The following TENM2 variants were observed in gnomAD, a reference collection of about 807,000 sequenced individuals.
TENM2 encodes teneurin-2.
A neutral mutation model predicts 245.2 loss-of-function variants in TENM2; 52 were observed. The observed-to-expected ratio is 0.21, with a 90% CI of 0.17 to 0.27. The LOEUF (loss-of-function observed/expected upper bound fraction) is 0.27, where lower values mean the gene tolerates loss of function less well. TENM2 is among the 10% of genes least tolerant of loss of function. The probability of loss-of-function intolerance (pLI) is 1.00; values close to 1 mark genes in which losing one functional copy is unlikely to be tolerated. For synonymous variants in TENM2, 1,363 were observed against 1,438.9 expected (o/e 0.95, Z 1.19); for missense variants, 3,046 against 3,666.8 (o/e 0.83, Z 4.37).
At chr5:168,154,147 TAAAAAA>T (rs70976465) in intron 12 of TENM2, among the ~76,000 whole-genome samples, 1 of 85,100 alleles carries the variant, frequency 1.2e-5, no homozygotes, top group African/African-American at 3.8e-5. Context: ...TCACCTACTT[TAAAAAA>T]AAAAAAAAAA....
At chr5:167,448,754 C>T (rs145062190) in intron 2 of TENM2, among the ~76,000 whole-genome samples, 4 of 151,912 alleles carry the variant, frequency 2.6e-5, no homozygotes, top group African/African-American at 9.7e-5. Flanking sequence ...AATAGGAACT[C>T]GAATTCCTTA....
At chr5:167,515,715 G>T (rs1309815141) in intron 2 of TENM2, among the ~76,000 whole-genome samples, 3 of 82,020 alleles carry the variant, frequency 3.7e-5, no homozygotes, top group Non-Finnish European at 8.4e-5. Context: ...GCCCAGACTG[G>T]AGTGCAGTGG....
At chr5:168,182,979 C>T (rs1003795881) in intron 13 of TENM2, among the ~76,000 whole-genome samples, 23 of 152,060 alleles carry the variant, frequency 1.5e-4, no homozygotes, top group African/African-American at 2.4e-4. Context: ...CACAAGTGCG[C>T]GCCACCATGC....
chr5:168,094,571 G>A (rs1190831523), intron 8 of TENM2, among the ~76,000 whole-genome samples: 1 of 151,998 alleles, frequency 6.6e-6, no homozygotes, highest in East Asian at 1.9e-4. Context: ...TTCTACAGCA[G>A]GGGTCCTCAA....
intron 2 of TENM2, among the ~76,000 whole-genome samples, chr5:167,536,767 A>G (rs1771878208): frequency 6.6e-6 from 1 of 152,192 alleles, no homozygotes; most frequent in Admixed American, 6.5e-5. Context: ...CTATATTCCC[A>G]GCACTTTGGG....
chr5:167,842,373 G>A (rs991783015), intron 2 of TENM2, among the ~76,000 whole-genome samples: 1 of 152,086 alleles, frequency 6.6e-6, no homozygotes, highest in Non-Finnish European at 1.5e-5. Flanking sequence ...TGGATCACCT[G>A]AGGTCAGGAG....
chr5:167,168,752 T>G, the TENM2 span, among the ~76,000 whole-genome samples: 1 of 152,026 alleles, frequency 6.6e-6, no homozygotes, highest in Non-Finnish European at 1.5e-5. Flanking sequence ...CCTGAGTTTA[T>G]TTTTTTTAAT....
intron 9 of TENM2, among the ~76,000 whole-genome samples, chr5:168,108,858 C>G (rs7712718): frequency 6.6e-6 from 1 of 151,420 alleles, no homozygotes; most frequent in Non-Finnish European, 1.5e-5. Context: ...CTCTGCACCG[C>G]GGAGAACAAT....
intron 2 of TENM2, among the ~76,000 whole-genome samples, chr5:167,470,296 T>A (rs1443656398): frequency 3.3e-5 from 5 of 152,176 alleles, no homozygotes; most frequent in African/African-American, 1.2e-4. Context: ...ACAAATATAA[T>A]TGCCTATATT....
At chr5:167,059,663 G>GTTATTTGAAACTTCAAATGC in the TENM2 span, among the ~76,000 whole-genome samples, 1 of 143,564 alleles carries the variant, frequency 7.0e-6, no homozygotes, top group East Asian at 2.0e-4. Context: ...GTTACTGATA[G>GTTATTTGAAACTTCAAATGC]TTATTTGATA....
chr5:167,534,101 C>T (rs1037382571), intron 2 of TENM2, among the ~76,000 whole-genome samples: 50 of 152,216 alleles, frequency 3.3e-4, no homozygotes, highest in African/African-American at 9.9e-4. Context: ...ACTAAAGATG[C>T]GACCCTGCCA....
the TENM2 span, among the ~76,000 whole-genome samples, chr5:167,175,749 C>G: frequency 6.6e-6 from 1 of 152,126 alleles, no homozygotes; most frequent in Non-Finnish European, 1.5e-5. Context: ...ACTCTGTTGC[C>G]CAGGCTGGAA....
chr5:167,623,382 A>C (rs749108043), intron 2 of TENM2, among the ~76,000 whole-genome samples: 2 of 152,174 alleles, frequency 1.3e-5, no homozygotes, highest in Non-Finnish European at 2.9e-5. Context: ...AAAACACATA[A>C]TAATTTTTTT....
intron 2 of TENM2, among the ~76,000 whole-genome samples, chr5:167,765,706 C>A (rs538230970): frequency 1.3e-5 from 2 of 152,208 alleles, no homozygotes; most frequent in African/African-American, 4.8e-5. Context: ...CAAAATTGAT[C>A]CCATTGTTAT....
At chr5:167,785,726 T>C (rs1764531443) in intron 2 of TENM2, among the ~76,000 whole-genome samples, 1 of 152,190 alleles carries the variant, frequency 6.6e-6, no homozygotes, top group African/African-American at 2.4e-5. Flanking sequence ...AAATTCAGAC[T>C]TTAGAAACTG....
intron 3 of TENM2, among the ~76,000 whole-genome samples, chr5:167,924,313 G>C (rs1365431610): frequency 6.6e-6 from 1 of 152,200 alleles, no homozygotes; most frequent in Non-Finnish European, 1.5e-5. Flanking sequence ...GACCAGCTCT[G>C]ATCCATTTCT....
intron 2 of TENM2, among the ~76,000 whole-genome samples, chr5:167,708,295 A>T (rs926424974): frequency 3.9e-5 from 6 of 152,158 alleles, no homozygotes; most frequent in Non-Finnish European, 8.8e-5. Context: ...TACCTTTTAG[A>T]TACAAATATA....
chr5:167,538,780 G>C (rs1341114839), intron 2 of TENM2, among the ~76,000 whole-genome samples: 1 of 152,168 alleles, frequency 6.6e-6, no homozygotes, highest in Admixed American at 6.5e-5. Flanking sequence ...AGAATAAGCT[G>C]TCTGTCATTT....
At chr5:166,981,661 A>G in the TENM2 span, among the ~76,000 whole-genome samples, 2 of 152,204 alleles carry the variant, frequency 1.3e-5, no homozygotes, top group African/African-American at 4.8e-5. Context: ...TATTCAGATC[A>G]TGAATTTATT....
Sources: allele counts gnomAD v4.1 joint callset (sites outside exome capture counted in the v4.1 genomes callset), GRCh38; gene constraint gnomAD v4.1.1; transcripts MANE v1.5; gene names NCBI Gene and HGNC (gene_info 2026-07-23, HGNC 2026-07-21).